RASAL1: variants seen among roughly 807,000 people sequenced by gnomAD.
The protein encoded by RASAL1 is RAS protein activator like 1.
Under a neutral mutation model 96.6 loss-of-function variants are expected in RASAL1, and 72 were observed. The observed-to-expected ratio is 0.75, with a 90% CI of 0.62 to 0.91. The LOEUF is 0.91. RASAL1 is among the 40% of genes least tolerant of loss of function. RASAL1 has a pLI of 0.00. For synonymous variants in RASAL1, 405 were observed against 430.4 expected (o/e 0.94, Z 0.73); for missense variants, 1,016 against 1,072.5 (o/e 0.95, Z 0.74).
intron 4 of RASAL1, 34 bp from the exon 5 acceptor site, chr12:113,121,672 C>T: frequency 6.2e-7 from 1 of 1,613,000 alleles, no homozygotes. Flanking sequence ...TTATGAAGCG[C>T]CTACCATGTA....
chr12:113,101,827 C>A, intron 19 of RASAL1, 62 bp downstream of exon 19: 1 of 1,573,996 alleles, frequency 6.4e-7, no homozygotes, highest in South Asian at 1.2e-5. Flanking sequence ...ACAGCAAGGC[C>A]ACGGTGGGGG....
At chr12:113,134,846 C>T (rs1053357303) in intron 1 of RASAL1, among the ~76,000 whole-genome samples, 48 of 152,252 alleles carry the variant, frequency 3.2e-4, no homozygotes, top group African/African-American at 9.9e-4. Flanking sequence ...AGGCTGGGAG[C>T]CACAAGACTG....
chr12:113,105,906 A>G lies in RASAL1; in HGVS notation c.1658-20T>C. On this transcript the variant is annotated intron_variant, in intron 15 of 20. Coordinates refer to ENST00000548055, the MANE Select transcript of RASAL1 (RefSeq NM_001301202.2). ...CAGCTTCTAGGAGATGGGAGAAGAG[A>G]GCGGTGGACAGTGAGCCCTCCCTAA... 1.2e-6 allele frequency: 2 copies of G among 1,602,850 alleles called. No individual in the cohort carries two copies. Among genetic ancestry groups the G allele is most frequent in the Non-Finnish European group, 1.7e-6 (2 of 1,173,130 alleles).
intron 2 of RASAL1, 127 bp from the exon 3 acceptor site, chr12:113,128,305 CAG>C (rs1951572902): frequency 1.6e-6 from 1 of 640,282 alleles, no homozygotes; most frequent in Non-Finnish European, 2.7e-6. Flanking sequence ...CACACACACT[CAG>C]AGACCCCCCA....
At position 113,108,171 on chromosome 12, in the gene RASAL1, G is replaced by A. The variant is rs976017332; in HGVS notation, c.1426C>T (p.Pro476Ser). ...SGFLFLRFFA[P>S]AILTPKLFDL... is the part of the protein sequence containing the mutation. Reference sequence around the variant, plus strand: ...AACAGCTTTGGGGTAAGGATGGCAGGTGCGAAGAATCGCAAGAAGAGAAAT... The same window carrying A: ...AACAGCTTTGGGGTAAGGATGGCAGATGCGAAGAATCGCAAGAAGAGAAAT... The change falls in exon 14 of 21, where the codon CCT becomes TCT. Residue 476 changes from proline to serine, a missense_variant. Coordinates refer to ENST00000548055, the MANE Select transcript of RASAL1 (RefSeq NM_001301202.2). 1.9e-6 allele frequency: 3 copies of A among 1,613,698 alleles called. No individual in the cohort carries two copies. The highest frequency in any genetic ancestry group is 1.7e-6 in the Non-Finnish European group (2 of 1,179,840).
At chr12:113,102,327 G>T (rs1950478358) in intron 18 of RASAL1, among the ~76,000 whole-genome samples, 1 of 152,210 alleles carries the variant, frequency 6.6e-6, no homozygotes, top group African/African-American at 2.4e-5. Context: ...GGAGGCCAAG[G>T]TGGGTGGATC....
At chr12:113,112,696 A>G (rs544382262) in intron 12 of RASAL1, among the ~76,000 whole-genome samples, 1 of 152,126 alleles carries the variant, frequency 6.6e-6, no homozygotes, top group Non-Finnish European at 1.5e-5. Context: ...TCATGCCTGT[A>G]ATCCCAGCAC....
At chr12:113,111,831 T>G (rs1190532665) in intron 13 of RASAL1, among the ~76,000 whole-genome samples, 4 of 152,068 alleles carry the variant, frequency 2.6e-5, no homozygotes, top group African/African-American at 7.2e-5. Context: ...TCACTTCACT[T>G]GAAAGTGATC....
At chr12:113,117,467 T>C (rs984782648) in intron 7 of RASAL1, among the ~76,000 whole-genome samples, 53 of 152,216 alleles carry the variant, frequency 3.5e-4, no homozygotes, top group African/African-American at 1.2e-3. Context: ...TGAGTGTATT[T>C]TCAGCTCTGT....
chr12:113,132,070 C>T (rs997919710), intron 1 of RASAL1, among the ~76,000 whole-genome samples: 15 of 148,442 alleles, frequency 1.0e-4, no homozygotes, highest in African/African-American at 3.7e-4. Flanking sequence ...CTCCCAAGTT[C>T]AAGCGATTCT....
upstream of RASAL1, chr12:113,136,123 T>C (rs557278462): frequency 7.2e-5 from 11 of 152,238 alleles, no homozygotes; most frequent in African/African-American, 2.7e-4. Flanking sequence ...CAAGTATTAG[T>C]GGTGGGTGGG....
intron 4 of RASAL1, among the ~76,000 whole-genome samples, chr12:113,121,997 A>G (rs1951312440): frequency 6.6e-6 from 1 of 152,190 alleles, no homozygotes; most frequent in Non-Finnish European, 1.5e-5. Context: ...TGCTGGGATT[A>G]CAGGCATGAG....
In RASAL1 at chr12:113,114,807, G is replaced by C; in HGVS notation, c.1174C>G (p.Arg392Gly). ...ELDPCKMDLG[R>G]TRRISFKGAL... The stretch of plus-strand genomic sequence containing the variant: ...TCCTCAGGCTTTGCTCACCGGGTGC[G>C]GCCCAGGTCCATCTTGCAGGGATCC... The change falls in exon 12 of 21, where the codon CGC becomes GGC. Residue 392 changes from arginine (R) to glycine (G), a missense_variant. By Grantham distance (125) the Arg-to-Gly change is moderately radical. Transcript: ENST00000548055. The C allele has an allele frequency of 6.2e-7, 1 of 1,613,576 alleles. No individual in the cohort carries two copies. Among genetic ancestry groups the C allele is most frequent in the Non-Finnish European group, 8.5e-7 (1 of 1,179,540 alleles).
intron 13 of RASAL1, among the ~76,000 whole-genome samples, chr12:113,110,750 C>T (rs1014930349): frequency 1.3e-5 from 2 of 152,028 alleles, no homozygotes; most frequent in African/African-American, 4.8e-5. Flanking sequence ...GAGACCCTGT[C>T]TCTAGAAAAA....
chr12:113,121,471 T>G (rs933049072), intron 5 of RASAL1, 38 bp downstream of exon 5: 2 of 1,611,684 alleles, frequency 1.2e-6, no homozygotes, highest in East Asian at 2.2e-5. Context: ...CTGCTCATTC[T>G]CAGACCACCC....
rs200200008 is a variant in RASAL1 at position 113,102,004 on chromosome 12, C to G, written c.2110G>C (p.Gly704Arg). The change falls in exon 19 of 21, where the codon GGC (glycine) becomes CGC (arginine). Residue 704 changes from glycine to arginine, a missense_variant. Physicochemically the swap from Gly to Arg is moderately radical, Grantham distance 125 (BLOSUM62 -2). Coordinates refer to ENST00000548055, the MANE Select transcript of RASAL1 (RefSeq NM_001301202.2). ...ACAGCTGAGTGTGTACGGCTGCAGC[C>G]GGCGGCTGAGGGAACACAGCTTCAT... is the stretch of plus-strand genomic sequence containing the variant. ...CCLQAERSAA[G>R]CSRTHSAVTL... 1 of 1,613,348 alleles carries G rather than the reference C, an allele frequency of 6.2e-7. No individual in the cohort carries two copies. The highest frequency in any genetic ancestry group is 2.2e-5 in the East Asian group (1 of 44,860).
At chr12:113,107,020 A>AG (rs2136122997) in intron 15 of RASAL1, 77 bp downstream of exon 15, 7 of 1,440,134 alleles carry the variant, frequency 4.9e-6, no homozygotes, top group Non-Finnish European at 6.6e-6. Context: ...GAGGAGCTGG[A>AG]GGGGGAAAGG....
Position 113,115,588 on chromosome 12 carries a change from G to C in RASAL1, c.1003+47C>G. 1 of 1,597,226 alleles carries C rather than the reference G, an allele frequency of 6.3e-7. No homozygotes were observed. The highest frequency in any genetic ancestry group is 1.1e-5 in the South Asian group (1 of 88,786). ...TTCCTCCCCCAGGACCCTCCTGCAAGCCCACCATTGAGGGCGGTGATGTCG... is the reference window on the plus strand; with the variant it reads ...TTCCTCCCCCAGGACCCTCCTGCAACCCCACCATTGAGGGCGGTGATGTCG... On this transcript the variant is annotated intron_variant, in intron 10 of 20. Transcript: ENST00000548055. This position sits in a 1 kb window ranked among gnomAD's most constrained non-coding sequence, Gnocchi z 4.1.
At chr12:113,136,218 G>T (rs1566080203), upstream of RASAL1, 1 of 152,102 alleles carries the variant, frequency 6.6e-6, no homozygotes, top group African/African-American at 2.4e-5. Context: ...CTTCCATCTC[G>T]TTCTAGTTTC....
Sources: gnomAD v4.1 joint callset for allele counts (sites outside exome capture counted in the v4.1 genomes callset) on GRCh38, gnomAD v4.1.1 for gene constraint, Gnocchi (gnomAD v3.1) non-coding constraint, MANE v1.5 for transcripts, NCBI Gene and HGNC (gene_info 2026-07-23, HGNC 2026-07-21) for gene names.